DYDC2: variants seen among roughly 807,000 people sequenced by gnomAD.
The protein encoded by DYDC2 is DPY30 domain-containing protein 2.
DYDC2 carries 19 observed loss-of-function variants against 18.7 expected under a neutral mutation model. The ratio of observed to expected loss-of-function variants is 1.02; its 90% CI spans 0.71 to 1.49. DYDC2 has a LOEUF of 1.49. DYDC2 is among the 40% of genes most tolerant of loss of function. DYDC2 has a pLI of 0.00. For synonymous variants in DYDC2, 63 were observed against 67.6 expected (o/e 0.93, Z 0.34); for missense variants, 179 against 205.1 (o/e 0.87, Z 0.78).
intron 4 of DYDC2, among the ~76,000 whole-genome samples, chr10:80,363,920 C>A (rs2132899810): frequency 6.6e-6 from 1 of 152,330 alleles, no homozygotes. Flanking sequence ...CTGCATTCGT[C>A]AGTCTGACAA....
chr10:80,354,179 TG>T (rs1843198552), upstream of DYDC2, among the ~76,000 whole-genome samples: 1 of 150,430 alleles, frequency 6.6e-6, no homozygotes, highest in Admixed American at 6.6e-5. Flanking sequence ...TGTAATCAAT[TG>T]TTAAACAAAT....
upstream of DYDC2, among the ~76,000 whole-genome samples, chr10:80,355,620 G>A (rs539017482): frequency 4.6e-5 from 7 of 152,184 alleles, no homozygotes; most frequent in South Asian, 1.2e-3. Flanking sequence ...GCAACACAAT[G>A]GATTATTATG....
At chr10:80,347,774 C>G (rs949168658) in intron 1 of DYDC2, among the ~76,000 whole-genome samples, 10 of 152,230 alleles carry the variant, frequency 6.6e-5, no homozygotes, top group African/African-American at 2.4e-4. Flanking sequence ...TATACTTGGG[C>G]TTATTCCTGG....
intron 1 of DYDC2, among the ~76,000 whole-genome samples, chr10:80,348,894 T>C (rs149203413): frequency 1.5e-3 from 221 of 151,446 alleles, no homozygotes; most frequent in African/African-American, 4.6e-3. Flanking sequence ...CATTAGCAGA[T>C]AAACTTTTTT....
intron 4 of DYDC2, among the ~76,000 whole-genome samples, chr10:80,366,028 C>CTTTTTTT (rs770351822): frequency 1.9e-3 from 173 of 90,328 alleles, no homozygotes; most frequent in East Asian, 3.1e-3. Context: ...TTTTCTTTCT[C>CTTTTTTT]TTTTTTTTTT....
upstream of DYDC2, chr10:80,351,858 A>C (rs1274322353): frequency 3.2e-6 from 5 of 1,576,578 alleles, no homozygotes; most frequent in Middle Eastern, 1.7e-4. Context: ...TGAGGTTGGC[A>C]TCGTTAATTC....
rs994349412 is a variant in DYDC2 at position 80,358,039 on chromosome 10, C to A, written c.-16C>A. Reference sequence around the variant, plus strand: ...GAAACACTGAAAAATAGCCTCTCCCCCCATTGGTGAGTGTACCCTAAGTTG... The same window carrying A: ...GAAACACTGAAAAATAGCCTCTCCCACCATTGGTGAGTGTACCCTAAGTTG... On this transcript the variant is annotated 5_prime_UTR_variant, in exon 2 of 5. Coordinates refer to ENST00000256039, the MANE Select transcript of DYDC2 (RefSeq NM_032372.6). The A allele has an allele frequency of 1.0e-6, 1 of 985,552 alleles. No homozygotes were observed. The highest frequency in any genetic ancestry group is 6.1e-5 in the Admixed American group (1 of 16,274). The allele number at this position is 985,552 out of a possible 1,614,324, so 61.1% of individuals were successfully genotyped here. A position where few individuals can be genotyped will look rare whatever the true frequency, so the allele number is the denominator to read the frequency against.
At chr10:80,362,838 G>A (rs549050584) in intron 3 of DYDC2, 113 bp from the exon 4 acceptor site, 65 of 1,412,762 alleles carry the variant, frequency 4.6e-5, no homozygotes, top group Middle Eastern at 2.0e-4. Context: ...GTTACAAGAG[G>A]AAACTCAACA....
At position 80,366,222 on chromosome 10, in the gene DYDC2, G is replaced by A. The variant is rs535675977; in HGVS notation, c.271-466G>A. On this transcript the variant is annotated intron_variant, in intron 4 of 4. Coordinates refer to ENST00000256039, the MANE Select transcript of DYDC2 (RefSeq NM_032372.6). ...TAATTTTTTTATTTTTAGTAGAGAC[G>A]GGGTTTCAGCATGTTGGCCAGGCTG... Among the ~76,000 whole-genome samples the A allele has an allele frequency of 1.7e-3, 258 of 151,734 alleles. 2 individuals carry two copies. The highest frequency in any genetic ancestry group is 6.1e-3 in the African/African-American group (252 of 41,394).
intron 1 of DYDC2, among the ~76,000 whole-genome samples, chr10:80,350,071 T>A (rs551420431): frequency 2.0e-5 from 3 of 152,204 alleles, no homozygotes; most frequent in East Asian, 1.9e-4. Flanking sequence ...TCAGCCACAC[T>A]CTCTCAAGCC....
chr10:80,362,227 G>A (rs1046735106), intron 2 of DYDC2, among the ~76,000 whole-genome samples: 2 of 152,224 alleles, frequency 1.3e-5, no homozygotes, highest in African/African-American at 4.8e-5. Context: ...GACTCCGTCA[G>A]GAGGAGGCCA....
At chr10:80,356,847 G>C in intron 1 of DYDC2, 22 bp downstream of exon 1, 1 of 985,482 alleles carries the variant, frequency 1.0e-6, no homozygotes, top group Non-Finnish European at 1.2e-6. Context: ...GCACGCGGTG[G>C]GCAGCGAAGG....
At chr10:80,364,017 C>G (rs913514663) in intron 4 of DYDC2, among the ~76,000 whole-genome samples, 1 of 152,120 alleles carries the variant, frequency 6.6e-6, no homozygotes, top group Non-Finnish European at 1.5e-5. Flanking sequence ...GTGGTAGATA[C>G]CTGGATAGAG....
chr10:80,360,591 G>A (rs143541258), intron 2 of DYDC2, among the ~76,000 whole-genome samples: 249 of 152,178 alleles, frequency 1.6e-3, no homozygotes, highest in Non-Finnish European at 9.9e-4. Context: ...ACATTTGGGA[G>A]CCATTATTCA....
intron 1 of DYDC2, among the ~76,000 whole-genome samples, chr10:80,349,041 A>T (rs1022073325): frequency 3.9e-5 from 6 of 151,952 alleles, no homozygotes; most frequent in Non-Finnish European, 8.8e-5. Flanking sequence ...ACAGGAGCCC[A>T]CCACCACGCC....
At chr10:80,350,335 A>G (rs2018325244) in intron 1 of DYDC2, among the ~76,000 whole-genome samples, 1 of 152,152 alleles carries the variant, frequency 6.6e-6, no homozygotes, top group Admixed American at 6.5e-5. Context: ...CCCACTTACG[A>G]TGTAATTGCC....
upstream of DYDC2, among the ~76,000 whole-genome samples, chr10:80,353,290 A>T (rs1348724677): frequency 1.3e-5 from 2 of 151,908 alleles, no homozygotes; most frequent in Admixed American, 6.6e-5. Context: ...TGGCCCCAGC[A>T]CACCCTGGGC....
chr10:80,360,582 C>T (rs528260057), intron 2 of DYDC2, among the ~76,000 whole-genome samples: 1 of 152,210 alleles, frequency 6.6e-6, no homozygotes, highest in South Asian at 2.1e-4. Context: ...GACATAGACA[C>T]ATTTGGGAGC....
chr10:80,362,347 A>G, intron 2 of DYDC2, 88 bp from the exon 3 acceptor site: 1 of 1,494,052 alleles, frequency 6.7e-7, no homozygotes, highest in Non-Finnish European at 9.0e-7. Context: ...ATTTATCCTG[A>G]AATAAATCTG....
Sources: allele counts gnomAD v4.1 joint callset (sites outside exome capture counted in the v4.1 genomes callset), GRCh38; gene constraint gnomAD v4.1.1; transcripts MANE v1.5; gene names NCBI Gene and HGNC (gene_info 2026-07-23, HGNC 2026-07-21).